MACROD2: variants seen among roughly 807,000 people sequenced by gnomAD.
MACROD2 encodes ADP-ribose glycohydrolase MACROD2.
Under a neutral mutation model 70.4 loss-of-function variants are expected in MACROD2, and 36 were observed. That is an observed-to-expected ratio of 0.51 (90% CI 0.39 to 0.68). The LOEUF is 0.68. MACROD2 is among the 30% of genes least tolerant of loss of function. The pLI is 0.00. For missense variants in MACROD2, 496 were observed against 538.4 expected (o/e 0.92, Z 0.78); for synonymous variants, 172 against 178.8 (o/e 0.96, Z 0.30).
At chr20:15,549,187 T>G (rs940006240) in intron 8 of MACROD2, among the ~76,000 whole-genome samples, 2 of 152,214 alleles carry the variant, frequency 1.3e-5, no homozygotes, top group Non-Finnish European at 2.9e-5. Context: ...ACTGAGTTAC[T>G]TAGCACTTCA....
At chr20:15,726,069 G>A (rs1023010665) in intron 8 of MACROD2, among the ~76,000 whole-genome samples, 2 of 151,812 alleles carry the variant, frequency 1.3e-5, no homozygotes, top group African/African-American at 2.4e-5. Context: ...TTTTTGAATC[G>A]CTCTCTTCTC....
At chr20:14,770,735 A>G (rs546261487) in intron 5 of MACROD2, among the ~76,000 whole-genome samples, 25 of 152,108 alleles carry the variant, frequency 1.6e-4, no homozygotes, top group Non-Finnish European at 3.1e-4. Flanking sequence ...TAAGGCAGGT[A>G]CTATTATTTT....
At chr20:15,050,336 A>C (rs947744281) in intron 5 of MACROD2, among the ~76,000 whole-genome samples, 3 of 152,196 alleles carry the variant, frequency 2.0e-5, no homozygotes, top group African/African-American at 7.2e-5. Context: ...TATTTTATTA[A>C]AGAATTTTGA....
At chr20:16,028,763 A>G (rs1422946044) in intron 15 of MACROD2, among the ~76,000 whole-genome samples, 1 of 152,184 alleles carries the variant, frequency 6.6e-6, no homozygotes, top group Non-Finnish European at 1.5e-5. Context: ...GTGTGTGTCT[A>G]CAGTGTTTGT....
intron 5 of MACROD2, among the ~76,000 whole-genome samples, chr20:15,098,147 C>A (rs2075847547): frequency 6.6e-6 from 1 of 152,134 alleles, no homozygotes; most frequent in Admixed American, 6.5e-5. Flanking sequence ...CATGCAGTCA[C>A]ACAGAGCCCC....
At chr20:15,327,350 C>A (rs2077941657) in intron 6 of MACROD2, among the ~76,000 whole-genome samples, 3 of 152,018 alleles carry the variant, frequency 2.0e-5, no homozygotes, top group African/African-American at 4.8e-5. Flanking sequence ...GAGAGTGATC[C>A]CCTTATTTGT....
chr20:15,005,991 CAT>C (rs1453948849), intron 5 of MACROD2, among the ~76,000 whole-genome samples: 3 of 152,134 alleles, frequency 2.0e-5, no homozygotes, highest in Non-Finnish European at 4.4e-5. Context: ...CTCTACCTGA[CAT>C]ATCGTCTCTA....
At chr20:14,063,978 C>T (rs1025223783) in intron 2 of MACROD2, among the ~76,000 whole-genome samples, 26 of 152,158 alleles carry the variant, frequency 1.7e-4, no homozygotes, top group African/African-American at 5.6e-4. Context: ...CTTCCCACCT[C>T]GGCCTCCCAA....
chr20:15,579,069 C>A (rs534185097), intron 8 of MACROD2, among the ~76,000 whole-genome samples: 44 of 152,160 alleles, frequency 2.9e-4, no homozygotes, highest in Non-Finnish European at 5.4e-4. Flanking sequence ...TCTTCTCCCT[C>A]ATATTTTCAA....
intron 5 of MACROD2, among the ~76,000 whole-genome samples, chr20:14,739,839 T>C (rs1270476255): frequency 6.6e-6 from 1 of 152,046 alleles, no homozygotes; most frequent in Non-Finnish European, 1.5e-5. Context: ...AAAATGATGT[T>C]GTAAAATAAT....
intron 2 of MACROD2, among the ~76,000 whole-genome samples, chr20:14,025,707 G>C (rs577392816): frequency 6.6e-6 from 1 of 152,314 alleles, no homozygotes; most frequent in South Asian, 2.1e-4. Flanking sequence ...TGGTCTGAGA[G>C]ACTGCTTGTT....
chr20:14,179,276 G>GT (rs1269304416), intron 3 of MACROD2, among the ~76,000 whole-genome samples: 1 of 152,154 alleles, frequency 6.6e-6, no homozygotes, highest in Non-Finnish European at 1.5e-5. Flanking sequence ...CTTTCTGATT[G>GT]TAAGAAGATA....
chr20:15,501,749 A>G (rs6074906), intron 8 of MACROD2, among the ~76,000 whole-genome samples: 27,570 of 152,162 alleles, frequency 0.18, 2,737 homozygotes, highest in Admixed American at 0.25. Flanking sequence ...TAAGCAAGTC[A>G]ATTTGAACAT....
intron 13 of MACROD2, among the ~76,000 whole-genome samples, chr20:15,971,205 G>A (rs2066225260): frequency 6.6e-6 from 1 of 152,064 alleles, no homozygotes; most frequent in African/African-American, 2.4e-5. Context: ...TACTTATTGT[G>A]CATTTTAAAA....
intron 5 of MACROD2, among the ~76,000 whole-genome samples, chr20:15,138,775 G>A (rs1033422348): frequency 5.9e-5 from 9 of 152,040 alleles, no homozygotes; most frequent in African/African-American, 2.2e-4. Context: ...ATGTGTTGAG[G>A]GCTGTGAGTG....
At chr20:15,145,964 TAAATATGTAC>T (rs1274090867) in intron 5 of MACROD2, among the ~76,000 whole-genome samples, 3 of 152,072 alleles carry the variant, frequency 2.0e-5, no homozygotes, top group Admixed American at 6.5e-5. Flanking sequence ...ATTAATAGTA[TAAATATGTAC>T]AAATATGTAC....
At chr20:15,514,118 A>G (rs1195599084) in intron 8 of MACROD2, among the ~76,000 whole-genome samples, 1 of 152,242 alleles carries the variant, frequency 6.6e-6, no homozygotes, top group Admixed American at 6.5e-5. Flanking sequence ...CTGTGTTATT[A>G]CAAGAGTCAA....
chr20:14,668,337 C>G (rs540567290), intron 4 of MACROD2, among the ~76,000 whole-genome samples: 1 of 152,210 alleles, frequency 6.6e-6, no homozygotes, highest in Admixed American at 6.5e-5. Flanking sequence ...AATGACTGGG[C>G]CTGCATTTGG....
At chr20:14,108,991 C>T (rs1251614801) in intron 3 of MACROD2, among the ~76,000 whole-genome samples, 2 of 152,134 alleles carry the variant, frequency 1.3e-5, no homozygotes, top group East Asian at 3.9e-4. Flanking sequence ...GTGGATCATT[C>T]TTAAGGATAG....
Sources: gnomAD v4.1 joint callset for allele counts (sites outside exome capture counted in the v4.1 genomes callset) on GRCh38, gnomAD v4.1.1 for gene constraint, MANE v1.5 for transcripts, NCBI Gene and HGNC (gene_info 2026-07-23, HGNC 2026-07-21) for gene names.